CROCC2: variants seen among roughly 807,000 people sequenced by gnomAD.
CROCC2 encodes ciliary rootlet coiled-coil protein 2.
A neutral mutation model predicts 177.6 loss-of-function variants in CROCC2; 163 were observed. That is an observed-to-expected ratio of 0.92 (90% confidence interval 0.81 to 1.05). The LOEUF (loss-of-function observed/expected upper bound fraction) is 1.05. CROCC2 is among the 50% of genes least tolerant of loss of function. The pLI, the probability that CROCC2 is intolerant of heterozygous loss-of-function variation, is 0.00. For synonymous variants in CROCC2, 904 were observed against 787.3 expected (o/e 1.15, Z -2.48); for missense variants, 1,929 against 1,797.8 (o/e 1.07, Z -1.32).
At chr2:240,912,702 T>A (rs2059296019) in intron 1 of CROCC2, among the ~76,000 whole-genome samples, 1 of 152,192 alleles carries the variant, frequency 6.6e-6, no homozygotes, top group South Asian at 2.1e-4. Flanking sequence ...CCGTTGGTGA[T>A]CAGCTCCAGA....
In CROCC2 at chr2:240,972,927, C is replaced by T. The variant is rs1441249566; in HGVS notation, c.4401+4665C>T. ...ACACAGCAAACCCAGGCAGAGAGCT[C>T]AGGGTTGAAATTTTCTAGCCAGCCA... On this transcript the variant is annotated intron_variant, in intron 27 of 31. Transcript: ENST00000690015. The surrounding 1 kb of genome is among the most constrained non-coding windows in gnomAD (Gnocchi z 7.1). 6.6e-6 allele frequency among the ~76,000 whole-genome samples: 1 copy of T among 151,998 alleles called. No homozygotes were observed. Among genetic ancestry groups the T allele is most frequent in the Non-Finnish European group, 1.5e-5 (1 of 67,996 alleles).
Position 240,963,757 on chromosome 2 carries a change from G to T in CROCC2, c.3289G>T (p.Glu1097Ter). The change falls in exon 21 of 32, where the codon GAA (glutamate) becomes TAA (stop). Residue 1097 changes from glutamate (E) to a stop codon, truncating the protein, a stop_gained. Transcript: ENST00000690015. LOFTEE classifies it high-confidence loss of function. The stretch of plus-strand genomic sequence containing the variant: ...GCTGCGGGCCACCATCTGCAGGGCC[G>T]AACAGGAGAAGGCCAGGTATGGCGG... The part of the protein sequence containing the change: ...SELRATICRA[E>*]QEKASFKRSK... The T allele has an allele frequency of 3.2e-6, 5 of 1,549,656 alleles. No homozygotes were observed. The highest frequency in any genetic ancestry group is 3.5e-6 in the Non-Finnish European group (4 of 1,146,434).
intron 4 of CROCC2, among the ~76,000 whole-genome samples, chr2:240,923,431 C>A (rs997694798): frequency 6.6e-5 from 10 of 151,068 alleles, no homozygotes. Flanking sequence ...GCCCGGCCCC[C>A]ACCCTGCCTG....
Position 240,989,827 on chromosome 2 carries a change from A to G in CROCC2, c.4857A>G (p.Glu1619=), listed in dbSNP as rs564755039. ...ACCAGCAGCAGGTAAAGGTGCTGGA[A>G]GAGCAGGTAAGGTCGGGACCCCAGC... ...WTHQQQVKVL[E]EQVASLKEQL... Residue 1619 remains glutamate, a synonymous_variant, in exon 30 of 32, where the codon GAA becomes GAG. Transcript: ENST00000690015. The G allele has an allele frequency of 3.1e-4, 484 of 1,540,728 alleles. 3 individuals are homozygous for G. In the South Asian group the frequency reaches 5.4e-3, roughly 17 times the overall value.
In CROCC2 at chr2:240,964,084, A is replaced by T. The variant is rs2059660449; in HGVS notation, c.3305+311A>T. ...CAGAGCTGGGGAGCAGAGGGAGGCC[A>T]ACGGCCTGGCTGGGGCTCTAGAAAG... On this transcript the variant is annotated intron_variant, in intron 21 of 31. Coordinates refer to ENST00000690015, the MANE Select transcript of CROCC2 (RefSeq NM_001351305.2). The T allele has an allele frequency of 2.3e-4, 127 of 544,046 alleles. 5 individuals carry two copies. In the South Asian group the frequency reaches 2.9e-3, roughly 12 times the overall value. The allele number at this position is 544,046 out of a possible 1,614,324, so 33.7% of individuals were successfully genotyped here.
Position 240,934,933 on chromosome 2 carries a change from G to A in CROCC2, c.1809G>A (p.Ala603=), listed in dbSNP as rs935142338. The A allele has an allele frequency of 8.5e-6, 13 of 1,520,960 alleles. No homozygotes were observed. The highest frequency in any genetic ancestry group is 5.2e-5 in the East Asian group (2 of 38,760). The allele number at this position is 1,520,960 out of a possible 1,614,324, so 94.2% of individuals were successfully genotyped here. Residue 603 remains alanine (A), a synonymous_variant, in exon 13 of 32, where the codon GCG becomes GCA. Coordinates refer to ENST00000690015, the MANE Select transcript of CROCC2 (RefSeq NM_001351305.2). ...TGCCCCAGGCCGAGTGCAGCAATGC[G>A]GACCTGGAGCTTCTTGTGAGGCGGC... ...SALARAECSN[A]DLELLVRRLK...
At chr2:240,948,670 AC>A (rs1559600746) in intron 15 of CROCC2, among the ~76,000 whole-genome samples, 1 of 152,208 alleles carries the variant, frequency 6.6e-6, no homozygotes, top group Non-Finnish European at 1.5e-5. Context: ...TGTCTTCTGA[AC>A]AGTGGCATCT....
intron 19 of CROCC2, chr2:240,957,921 C>T (rs2059603793): frequency 1.0e-6 from 1 of 962,670 alleles, no homozygotes; most frequent in African/African-American, 1.8e-5. Flanking sequence ...CAGGAAAGCC[C>T]TCCTGGGGCC....
chr2:240,950,308 C>A, intron 17 of CROCC2, 26 bp from the exon 18 acceptor site: 1 of 1,543,404 alleles, frequency 6.5e-7, no homozygotes, highest in Non-Finnish European at 8.7e-7. Flanking sequence ...CCGGACCTCA[C>A]AGCCCATCCC....
intron 20 of CROCC2, among the ~76,000 whole-genome samples, chr2:240,962,054 A>G (rs1447084961): frequency 7.2e-6 from 1 of 138,552 alleles, no homozygotes; most frequent in Non-Finnish European, 1.5e-5. Context: ...GCACACACAT[A>G]CACTCACACT....
chr2:240,966,446 C>G, intron 25 of CROCC2, 37 bp downstream of exon 25: 1 of 399,676 alleles, frequency 2.5e-6, no homozygotes, highest in Non-Finnish European at 4.4e-6. Flanking sequence ...CACGGCGGCA[C>G]CCCCCGGGGG....
chr2:240,989,302 C>T (rs1574802405), intron 29 of CROCC2, among the ~76,000 whole-genome samples: 1 of 152,168 alleles, frequency 6.6e-6, no homozygotes, highest in African/African-American at 2.4e-5. Context: ...GACATACCCC[C>T]ATCCTCAGAA....
At position 240,933,658 on chromosome 2, in the gene CROCC2, C is replaced by A; in HGVS notation, c.1464-12C>A. On this transcript the variant is annotated splice_polypyrimidine_tract_variant and intron_variant, in intron 10 of 31. Coordinates refer to ENST00000690015, the MANE Select transcript of CROCC2 (RefSeq NM_001351305.2). ...TCCAGGGCCGCCCCAACTCTGCCCC[C>A]ACCATCCCCAGGGAGAAGGCTGCTC... 1 of 1,549,478 alleles carries A rather than the reference C, an allele frequency of 6.5e-7. No homozygotes were observed. The highest frequency in any genetic ancestry group is 1.4e-5 in the African/African-American group (1 of 73,156).
rs1277272227 is a variant in CROCC2 at position 240,960,804 on chromosome 2, G to A, written c.3087+1360G>A. Among the ~76,000 whole-genome samples, 2 of 152,100 alleles carry A rather than the reference G, an allele frequency of 1.3e-5. No homozygotes were observed. The highest frequency in any genetic ancestry group is 2.1e-4 in the South Asian group (1 of 4,812). The stretch of plus-strand genomic sequence containing the variant: ...GAAGAGAACATGATTTAACATGACC[G>A]GCTGTTTACATTGGCCCCAAGGAGA... On this transcript the variant is annotated intron_variant, in intron 20 of 31. Coordinates refer to ENST00000690015, the MANE Select transcript of CROCC2 (RefSeq NM_001351305.2). The surrounding 1 kb of genome is among the most constrained non-coding windows in gnomAD (Gnocchi z 5.0).
At chr2:240,957,112 G>T (rs939584424) in intron 19 of CROCC2, among the ~76,000 whole-genome samples, 1 of 152,110 alleles carries the variant, frequency 6.6e-6, no homozygotes, top group Non-Finnish European at 1.5e-5. Flanking sequence ...CAAGGCACCG[G>T]ACGCCACTCC....
chr2:240,918,570 C>T lies in CROCC2; in HGVS notation c.79-156C>T, dbSNP rs753949624. Reference sequence around the variant, plus strand: ...TCCGCAGGTGCAGAACCAAGGCATGCGCCTGAGTGACCTGCCCAGCCTCAC... The same window carrying T: ...TCCGCAGGTGCAGAACCAAGGCATGTGCCTGAGTGACCTGCCCAGCCTCAC... On this transcript the variant is annotated intron_variant, in intron 1 of 31. Coordinates refer to ENST00000690015, the MANE Select transcript of CROCC2 (RefSeq NM_001351305.2). The surrounding 1 kb of genome is among the most constrained non-coding windows in gnomAD (Gnocchi z 6.3). 4.6e-5 allele frequency among the ~76,000 whole-genome samples: 7 copies of T among 152,230 alleles called. No homozygotes were observed. The highest frequency in any genetic ancestry group is 7.2e-5 in the African/African-American group (3 of 41,466).
chr2:240,919,886 G>A (rs1416495268), intron 2 of CROCC2, 97 bp from the exon 3 acceptor site: 2 of 590,600 alleles, frequency 3.4e-6, no homozygotes, highest in Non-Finnish European at 6.1e-6. Flanking sequence ...GCTGGAGCCT[G>A]GTGGCCAGCC....
chr2:240,940,450 A>G (rs2059489466), intron 14 of CROCC2, among the ~76,000 whole-genome samples: 1 of 152,046 alleles, frequency 6.6e-6, no homozygotes, highest in African/African-American at 2.4e-5. Context: ...CTTTTCATAT[A>G]TTTACCTTCA....
At chr2:240,944,418 G>A (rs879813375) in intron 14 of CROCC2, among the ~76,000 whole-genome samples, 1 of 152,010 alleles carries the variant, frequency 6.6e-6, no homozygotes, top group Admixed American at 6.5e-5. Context: ...CTCCTTTTGA[G>A]GCTGTAATTA....
Sources: gnomAD v4.1 joint callset for allele counts (sites outside exome capture counted in the v4.1 genomes callset) on GRCh38, gnomAD v4.1.1 for gene constraint, Gnocchi (gnomAD v3.1) non-coding constraint, MANE v1.5 for transcripts, NCBI Gene and HGNC (gene_info 2026-07-23, HGNC 2026-07-21) for gene names.